The following KDM1B variants were observed in gnomAD, a reference collection of about 807,000 sequenced individuals.
KDM1B encodes the protein lysine demethylase 1B.
In KDM1B, 63 loss-of-function variants were observed where a neutral mutation model predicts 107.4. The observed-to-expected ratio is 0.59, with a 90% CI of 0.48 to 0.72. The LOEUF (loss-of-function observed/expected upper bound fraction) is 0.72, where lower values mean the gene tolerates loss of function less well. KDM1B is among the 30% of genes least tolerant of loss of function. The probability of loss-of-function intolerance (pLI) is 0.00; values close to 1 mark genes in which losing one functional copy is unlikely to be tolerated. For missense variants in KDM1B, 749 were observed against 1,020.8 expected (o/e 0.73, Z 3.63); for synonymous variants, 363 against 363.9 (o/e 1.00, Z 0.03).
rs966344996 is a variant in KDM1B at position 18,204,768 on chromosome 6, G to A, written c.1532-769G>A. On this transcript the variant is annotated intron_variant, in intron 14 of 21. Coordinates refer to ENST00000650836, the MANE Select transcript of KDM1B (RefSeq NM_001364614.2). The surrounding 1 kb of genome is among the most constrained non-coding windows in gnomAD (Gnocchi z 4.9). ...AAATTCTGGGGGCTTGCCACGGCCC[G>A]GTGATGCCCGACTATAAAGAATGGA... is the stretch of plus-strand genomic sequence containing the variant. Among the ~76,000 whole-genome samples, 9 of 152,162 alleles carry A rather than the reference G, an allele frequency of 5.9e-5. No homozygotes were observed. The highest frequency in any genetic ancestry group is 1.9e-4 in the African/African-American group (8 of 41,442).
At position 18,172,778 on chromosome 6, in the gene KDM1B, G is replaced by A. The variant is rs1321204444; in HGVS notation, c.534+1299G>A. ...TTTATTTTCTGTGCCTGGCCTATTC[G>A]TTTCTTATGAATAAAAACATATTAG... On this transcript the variant is annotated intron_variant, in intron 7 of 21. Coordinates refer to ENST00000650836, the MANE Select transcript of KDM1B (RefSeq NM_001364614.2). This position sits in a 1 kb window ranked among gnomAD's most constrained non-coding sequence, Gnocchi z 5.2. 2.0e-5 allele frequency among the ~76,000 whole-genome samples: 3 copies of A among 151,554 alleles called. No homozygotes were observed. The East Asian group carries it at 5.8e-4, about 29-fold the overall frequency.
chr6:18,216,687 G>C (rs1001838928), intron 20 of KDM1B, among the ~76,000 whole-genome samples: 1 of 152,124 alleles, frequency 6.6e-6, no homozygotes, highest in African/African-American at 2.4e-5. Context: ...AGCGTGTCCA[G>C]TACCTCCACA....
rs6911396 is a variant in KDM1B at position 18,217,628 on chromosome 6, T to C, written c.2233-105T>C. On this transcript the variant is annotated intron_variant, in intron 20 of 21. Coordinates refer to ENST00000650836, the MANE Select transcript of KDM1B (RefSeq NM_001364614.2). ...TCCTGACCTTGTGATCCACCCGCCT[T>C]AGCCTCCCAAAGTGCTGGGATGGGA... 9.8e-4 allele frequency: 844 copies of C among 859,458 alleles called. 1 individual carries two copies. In the African/African-American group the frequency reaches 0.011, roughly 11 times the overall value. 53.2% of individuals were successfully genotyped at this position (859,458 alleles called of 1,614,324 possible).
chr6:18,197,210 C>A lies in KDM1B; in HGVS notation c.1123C>A (p.Leu375Ile), dbSNP rs141598797. 7 of 1,613,946 alleles carry A rather than the reference C, an allele frequency of 4.3e-6. No individual in the cohort carries two copies. In the African/African-American group the frequency reaches 9.3e-5, roughly 22 times the overall value. Residue 375 changes from leucine to isoleucine, a missense_variant, in exon 11 of 22, where the codon CTT (leucine) becomes ATT (isoleucine). By Grantham distance (5) the Leu-to-Ile change is conservative. Coordinates refer to ENST00000650836, the MANE Select transcript of KDM1B (RefSeq NM_001364614.2). This position sits in a 1 kb window ranked among gnomAD's most constrained non-coding sequence, Gnocchi z 4.5. ...TCTCAGCGTGGGAGCCGACCAGTAT[C>A]TTCTCCCTAAGGACTACCACAATGT... ...GVLSVGADQYLLPKDYHNKSV... is the reference protein window; with the variant it reads ...GVLSVGADQYILPKDYHNKSV...
intron 21 of KDM1B, among the ~76,000 whole-genome samples, chr6:18,219,564 C>T (rs145105004): frequency 6.6e-5 from 10 of 152,294 alleles, no homozygotes; most frequent in African/African-American, 2.2e-4. Flanking sequence ...CCTCTTGTTA[C>T]AACTTGTTTC....
At chr6:18,221,275 C>A (rs954382310) in intron 21 of KDM1B, among the ~76,000 whole-genome samples, 1 of 152,176 alleles carries the variant, frequency 6.6e-6, no homozygotes, top group South Asian at 2.1e-4. Flanking sequence ...CCCCTTTCCA[C>A]AGCCACATCT....
At chr6:18,161,727 G>A (rs1582075841) in intron 4 of KDM1B, among the ~76,000 whole-genome samples, 4 of 152,170 alleles carry the variant, frequency 2.6e-5, no homozygotes, top group African/African-American at 9.6e-5. Flanking sequence ...CCTCTCCAAG[G>A]GTTGAGGGTG....
intron 6 of KDM1B, among the ~76,000 whole-genome samples, chr6:18,167,937 T>C (rs1453534180): frequency 6.6e-6 from 1 of 152,062 alleles, no homozygotes; most frequent in Non-Finnish European, 1.5e-5. Context: ...AATTTGTTAA[T>C]TCTTTATAGA....
chr6:18,184,736 CTTTTTTTTT>C (rs58897300), intron 7 of KDM1B, among the ~76,000 whole-genome samples: 1 of 65,468 alleles, frequency 1.5e-5, no homozygotes, highest in Non-Finnish European at 2.8e-5. Flanking sequence ...AGCTTTTTTC[CTTTTTTTTT>C]TTTTTTTTTT....
chr6:18,201,502 A>C lies in KDM1B; in HGVS notation c.1376A>C (p.His459Pro). 1 of 1,548,714 alleles carries C rather than the reference A, an allele frequency of 6.5e-7. No individual in the cohort carries two copies. Among genetic ancestry groups the C allele is most frequent in the Non-Finnish European group, 8.7e-7 (1 of 1,146,548 alleles). Residue 459 changes from histidine to proline, a missense_variant, in exon 14 of 22, where the codon CAT (histidine) becomes CCT (proline). Physicochemically the swap from His to Pro is moderately conservative, Grantham distance 77 (BLOSUM62 -2). Coordinates refer to ENST00000650836, the MANE Select transcript of KDM1B (RefSeq NM_001364614.2). This position sits in a 1 kb window ranked among gnomAD's most constrained non-coding sequence, Gnocchi z 4.3. ...ATTTTGAAGCTTGGCATCAGCATGC[A>C]TAAATTTGGAGAAAGATGTGACTTA... Reference protein sequence around the residue: ...LMCEQLGISMHKFGERCDLIQ... With the variant: ...LMCEQLGISMPKFGERCDLIQ...
chr6:18,178,906 T>C (rs993240821), intron 7 of KDM1B, among the ~76,000 whole-genome samples: 4 of 152,222 alleles, frequency 2.6e-5, no homozygotes, highest in African/African-American at 7.2e-5. Flanking sequence ...CTTTTTGCCC[T>C]TTTTCTTGCC....
chr6:18,212,695 C>A lies in KDM1B; in HGVS notation c.1983+91C>A, dbSNP rs1788936595. On this transcript the variant is annotated intron_variant, in intron 18 of 21. Transcript: ENST00000650836. This position sits in a 1 kb window ranked among gnomAD's most constrained non-coding sequence, Gnocchi z 5.2. ...GATATGGAGAAGTAGTGGGTACTAT[C>A]TAAATACAAATAAAACTCAAGGATT... 1 of 807,008 alleles carries A rather than the reference C, an allele frequency of 1.2e-6. No homozygotes were observed. The highest frequency in any genetic ancestry group is 2.2e-6 in the Non-Finnish European group (1 of 460,926). The allele number at this position is 807,008 out of a possible 1,614,324, so 50.0% of individuals were successfully genotyped here. A position where few individuals can be genotyped will look rare whatever the true frequency, so the allele number is the denominator to read the frequency against.
rs113535620 is a variant in KDM1B at position 18,214,265 on chromosome 6, C to T, written c.2109+484C>T. Among the ~76,000 whole-genome samples the T allele has an allele frequency of 7.2e-5, 11 of 152,314 alleles. No individual in the cohort carries two copies. The highest frequency in any genetic ancestry group is 2.4e-4 in the African/African-American group (10 of 41,570). ...TTTCTCTGCCGTCATGTCACTGCCA[C>T]ACGAAAGAATCATGGCTGTTTCTGA... is the stretch of plus-strand genomic sequence containing the variant. On this transcript the variant is annotated intron_variant, in intron 19 of 21. Transcript: ENST00000650836. The surrounding 1 kb of genome is among the most constrained non-coding windows in gnomAD (Gnocchi z 4.4).
chr6:18,167,299 A>G (rs966072112), intron 6 of KDM1B, among the ~76,000 whole-genome samples: 27 of 151,382 alleles, frequency 1.8e-4, no homozygotes, highest in African/African-American at 7.3e-5. Context: ...GGAGGTTGCA[A>G]TGAGCTGAGA....
rs1348269202 is a variant in KDM1B at position 18,203,832 on chromosome 6, G to A, written c.1532-1705G>A. ...CAGGCCATTGCACTTCAGTCTTGAT[G>A]ACAAGCGAAACTCCGTCTCCAAAAA... On this transcript the variant is annotated intron_variant, in intron 14 of 21. Transcript: ENST00000650836. The surrounding 1 kb of genome is among the most constrained non-coding windows in gnomAD (Gnocchi z 5.5). Among the ~76,000 whole-genome samples, 1 of 137,854 alleles carries A rather than the reference G, an allele frequency of 7.3e-6. No individual in the cohort carries two copies. The highest frequency in any genetic ancestry group is 2.8e-5 in the African/African-American group (1 of 35,720). The allele number at this position is 137,854 out of a possible 152,430, so 90.4% of individuals were successfully genotyped here.
Position 18,201,557 on chromosome 6 carries a change from C to T in KDM1B, c.1431C>T (p.Pro477=). The T allele has an allele frequency of 6.5e-7, 1 of 1,550,156 alleles. No individual in the cohort carries two copies. The highest frequency in any genetic ancestry group is 8.7e-7 in the Non-Finnish European group (1 of 1,146,600). ...LIQEGGRITD[P]TIDKRMDFHF... is the part of the protein sequence containing the mutation. Reference sequence around the variant, plus strand: ...AGGAAGGTGGAAGAATAACTGACCCCACTATTGACAAGCGCATGGATTTTC... The same window carrying T: ...AGGAAGGTGGAAGAATAACTGACCCTACTATTGACAAGCGCATGGATTTTC... The change falls in exon 14 of 22, where the codon CCC becomes CCT. Residue 477 remains proline, a synonymous_variant. Coordinates refer to ENST00000650836, the MANE Select transcript of KDM1B (RefSeq NM_001364614.2). This position sits in a 1 kb window ranked among gnomAD's most constrained non-coding sequence, Gnocchi z 4.3.
At chr6:18,157,937 C>G (rs985460294) in intron 2 of KDM1B, among the ~76,000 whole-genome samples, 2 of 151,296 alleles carry the variant, frequency 1.3e-5, no homozygotes, top group African/African-American at 4.9e-5. Context: ...CTCAGCCTCC[C>G]GAATAGCTGG....
chr6:18,169,971 A>T (rs1368351266), intron 6 of KDM1B, among the ~76,000 whole-genome samples: 1 of 139,082 alleles, frequency 7.2e-6, no homozygotes, highest in Admixed American at 7.6e-5. Context: ...GTGCATTGGT[A>T]CGATCTCAGC....
At chr6:18,190,150 G>C (rs1787177224) in intron 9 of KDM1B, among the ~76,000 whole-genome samples, 1 of 115,478 alleles carries the variant, frequency 8.7e-6, no homozygotes, top group African/African-American at 2.8e-5. Context: ...ACTCTGTCTC[G>C]AGAAAAAAAA....
Sources: gnomAD v4.1 joint callset for allele counts (sites outside exome capture counted in the v4.1 genomes callset) on GRCh38, gnomAD v4.1.1 for gene constraint, Gnocchi (gnomAD v3.1) non-coding constraint, MANE v1.5 for transcripts, NCBI Gene and HGNC (gene_info 2026-07-23, HGNC 2026-07-21) for gene names.